TOGARAM2: variants seen among roughly 807,000 people sequenced by gnomAD.
TOGARAM2 encodes TOG array regulator of axonemal microtubules protein 2.
TOGARAM2 carries 85 observed loss-of-function variants against 93.3 expected under a neutral mutation model. The observed-to-expected ratio is 0.91, with a 90% CI of 0.76 to 1.09. The LOEUF is 1.09. Ranked by LOEUF, TOGARAM2 falls within the 50% of genes least tolerant of loss-of-function variation. The pLI is 0.00. For missense variants in TOGARAM2, 1,277 were observed against 1,334.5 expected (o/e 0.96, Z 0.67); for synonymous variants, 593 against 552.8 (o/e 1.07, Z -1.02).
chr2:28,979,027 TG>T (rs1253165456), upstream of TOGARAM2, among the ~76,000 whole-genome samples: 1 of 152,206 alleles, frequency 6.6e-6, no homozygotes, highest in Non-Finnish European at 1.5e-5. Flanking sequence ...AACAAATGAC[TG>T]AGGGCTGGAT....
At chr2:29,006,940 T>C (rs12466400) in intron 6 of TOGARAM2, among the ~76,000 whole-genome samples, 112,087 of 151,996 alleles carry the variant, frequency 0.74, 42,833 homozygotes, top group Non-Finnish European at 0.85. Context: ...TACTCTTGAC[T>C]TTTTTGCATC....
At chr2:28,962,791 T>C (rs1374642775) in intron 1 of TOGARAM2, among the ~76,000 whole-genome samples, 3 of 103,814 alleles carry the variant, frequency 2.9e-5, no homozygotes, top group African/African-American at 3.7e-5. Context: ...CCCTCCCTTT[T>C]CCTCCCCTTC....
intron 9 of TOGARAM2, 39 bp from the exon 10 acceptor site, chr2:29,017,753 C>T (rs1188275246): frequency 2.6e-6 from 4 of 1,534,730 alleles, no homozygotes; most frequent in Non-Finnish European, 3.5e-6. Flanking sequence ...CAGGGGAAAA[C>T]AGACCTGCCT....
intron 1 of TOGARAM2, among the ~76,000 whole-genome samples, chr2:28,993,362 G>A (rs1487641742): frequency 6.6e-6 from 1 of 152,192 alleles, no homozygotes; most frequent in Non-Finnish European, 1.5e-5. Flanking sequence ...AGCCATGGAA[G>A]GTCTGTGCCA....
intron 1 of TOGARAM2, among the ~76,000 whole-genome samples, chr2:28,958,119 G>A (rs560632794): frequency 6.6e-6 from 1 of 152,264 alleles, no homozygotes; most frequent in African/African-American, 2.4e-5. Flanking sequence ...AAGACAAATA[G>A]GTCCGTTCTA....
intron 1 of TOGARAM2, among the ~76,000 whole-genome samples, chr2:28,965,442 A>G (rs1464830088): frequency 6.6e-6 from 1 of 152,044 alleles, no homozygotes; most frequent in Non-Finnish European, 1.5e-5. Context: ...TTGTTGTTTT[A>G]GTGATGGCTC....
chr2:29,039,279 A>G (rs1666295746), intron 18 of TOGARAM2, among the ~76,000 whole-genome samples: 1 of 152,192 alleles, frequency 6.6e-6, no homozygotes, highest in South Asian at 2.1e-4. Flanking sequence ...ATGCTCCATA[A>G]GAAATTCTGG....
chr2:28,961,044 G>A (rs773033203), intron 1 of TOGARAM2, among the ~76,000 whole-genome samples: 11 of 152,154 alleles, frequency 7.2e-5, no homozygotes, highest in African/African-American at 1.2e-4. Context: ...ATGATGTTTA[G>A]TATAAGATAG....
intron 8 of TOGARAM2, among the ~76,000 whole-genome samples, chr2:29,015,614 C>T (rs1202946962): frequency 6.6e-6 from 1 of 152,232 alleles, no homozygotes; most frequent in African/African-American, 2.4e-5. Flanking sequence ...TTAGTCCACA[C>T]TCCCCACTGA....
At chr2:28,995,989 C>G (rs1181149598) in intron 2 of TOGARAM2, among the ~76,000 whole-genome samples, 1 of 152,190 alleles carries the variant, frequency 6.6e-6, no homozygotes, top group Non-Finnish European at 1.5e-5. Flanking sequence ...GAGTAAGACA[C>G]AGTGACTGTT....
chr2:29,007,915 C>T (rs1663983179), intron 6 of TOGARAM2, among the ~76,000 whole-genome samples: 1 of 151,986 alleles, frequency 6.6e-6, no homozygotes, highest in African/African-American at 2.4e-5. Flanking sequence ...CTCTGCAACC[C>T]CAACAGCCTC....
Position 29,052,177 on chromosome 2 carries a change from AG to A in TOGARAM2, c.*85del, listed in dbSNP as rs1667112895. On this transcript the variant is annotated 3_prime_UTR_variant, in exon 20 of 20. Coordinates refer to ENST00000379558, the MANE Select transcript of TOGARAM2 (RefSeq NM_199280.4). ...TGGTTACTTTCCCCCTTAGAGTTCC[AG>A]ATGTACATGGTATATTTTGAAGTAG... 12 of 1,055,944 alleles carry A rather than the reference AG, an allele frequency of 1.1e-5. No individual in the cohort carries two copies. Among genetic ancestry groups the A allele is most frequent in the Non-Finnish European group, 1.6e-5 (12 of 758,226 alleles). 65.4% of individuals were successfully genotyped at this position (1,055,944 alleles called of 1,614,324 possible). A position where few individuals can be genotyped will look rare whatever the true frequency, so the allele number is the denominator to read the frequency against.
rs1338637520 is a variant in TOGARAM2, at chr2:29,052,211, A to C, written c.*118A>C. On this transcript the variant is annotated 3_prime_UTR_variant, in exon 20 of 20. Coordinates refer to ENST00000379558, the MANE Select transcript of TOGARAM2 (RefSeq NM_199280.4). ...TGGTATATTTTGAAGTAGAAATAAA[A>C]GAATTACTTATTTTTCTAAGGTTTT... 2 of 842,528 alleles carry C rather than the reference A, an allele frequency of 2.4e-6. No homozygotes were observed. The highest frequency in any genetic ancestry group is 3.4e-6 in the Non-Finnish European group (2 of 587,672). 52.2% of individuals were successfully genotyped at this position (842,528 alleles called of 1,614,324 possible). A position where few individuals can be genotyped will look rare whatever the true frequency, so the allele number is the denominator to read the frequency against.
Position 29,033,525 on chromosome 2 carries a change from T to A in TOGARAM2, c.2187T>A (p.Ser729Arg), listed in dbSNP as rs1665904611. ...CCAAAGGCCGCAAGGTGTTGAGGAGTCTGGTGGTGTGTGAGAACGGGCTGC... is the reference window on the plus strand; with the variant it reads ...CCAAAGGCCGCAAGGTGTTGAGGAGACTGGTGGTGTGTGAGAACGGGCTGC... ...PSAKGRKVLR[S>R]LVVCENGLPI... The change falls in exon 16 of 20, where the codon AGT (serine) becomes AGA (arginine). Residue 729 changes from serine (S) to arginine (R), a missense_variant. By Grantham distance (110) the Ser-to-Arg change is moderately radical. Transcript: ENST00000379558. The A allele has an allele frequency of 3.1e-6, 5 of 1,613,206 alleles. No individual in the cohort carries two copies. The South Asian group carries it at 5.5e-5, about 18-fold the overall frequency.
chr2:29,042,285 C>T (rs1666481114), intron 18 of TOGARAM2, among the ~76,000 whole-genome samples: 1 of 152,226 alleles, frequency 6.6e-6, no homozygotes, highest in East Asian at 1.9e-4. Flanking sequence ...TTGACATTGC[C>T]CTGCAGCTAC....
chr2:28,978,868 T>G (rs1451623287), upstream of TOGARAM2, among the ~76,000 whole-genome samples: 1 of 152,172 alleles, frequency 6.6e-6, no homozygotes, highest in Non-Finnish European at 1.5e-5. Context: ...TCATAGCTGT[T>G]GACCCTCTTC....
chr2:28,995,997 G>C (rs762547226), intron 2 of TOGARAM2, among the ~76,000 whole-genome samples: 1 of 152,220 alleles, frequency 6.6e-6, no homozygotes, highest in African/African-American at 2.4e-5. Context: ...CACAGTGACT[G>C]TTCCTAGGGA....
rs140873787 is a variant in TOGARAM2 at position 28,974,066 on chromosome 2, C to G, written c.-147+17369C>G. On this transcript the variant is annotated intron_variant, in intron 1 of 6. Coordinates refer to the TOGARAM2 transcript ENST00000401723. ...TCTGTAGACAATGGGATGTTTATCT[C>G]TAGCTGCTTTCAAGACTTTCTCTTT... 1.5e-4 allele frequency among the ~76,000 whole-genome samples: 23 copies of G among 151,380 alleles called. 1 individual carries two copies. Among genetic ancestry groups the G allele is most frequent in the African/African-American group, 4.4e-4 (18 of 41,262 alleles).
intron 6 of TOGARAM2, among the ~76,000 whole-genome samples, chr2:29,006,050 AGTGT>A (rs1327286735): frequency 9.2e-4 from 49 of 53,278 alleles, no homozygotes; most frequent in African/African-American, 2.1e-3. Context: ...GCATGTGTGG[AGTGT>A]GTGTGTATGT....
Sources: allele counts gnomAD v4.1 joint callset (sites outside exome capture counted in the v4.1 genomes callset), GRCh38; gene constraint gnomAD v4.1.1; transcripts MANE v1.5; gene names NCBI Gene and HGNC (gene_info 2026-07-23, HGNC 2026-07-21).